The following SMIM21 variants were observed in gnomAD, a reference collection of about 807,000 sequenced individuals.
SMIM21 encodes small integral membrane protein 21.
A neutral mutation model predicts 8.6 loss-of-function variants in SMIM21; 8 were observed. The ratio of observed to expected loss-of-function variants is 0.93; its 90% confidence interval spans 0.55 to 1.68. SMIM21 has a LOEUF of 1.68. Ranked by LOEUF, SMIM21 falls within the 40% of genes most tolerant of loss-of-function variation. The pLI is 0.00. For synonymous variants in SMIM21, 43 were observed against 41.7 expected (o/e 1.03, Z -0.12); for missense variants, 132 against 123.0 (o/e 1.07, Z -0.35).
At chr18:75,421,682 G>A (rs1008344220) in intron 1 of SMIM21, among the ~76,000 whole-genome samples, 2 of 152,186 alleles carry the variant, frequency 1.3e-5, no homozygotes, top group Non-Finnish European at 2.9e-5. Flanking sequence ...TGTGTAGCTT[G>A]GGGAAGGCTG....
chr18:75,411,461 G>A (rs1372990334), intron 2 of SMIM21, among the ~76,000 whole-genome samples: 1 of 152,208 alleles, frequency 6.6e-6, no homozygotes, highest in African/African-American at 2.4e-5. Flanking sequence ...ACTCACGAAT[G>A]ATGATCCTTG....
chr18:75,418,101 G>A, intron 2 of SMIM21: 1 of 398,044 alleles, frequency 2.5e-6, no homozygotes, highest in Non-Finnish European at 4.4e-6. Flanking sequence ...CATGTGAGTG[G>A]GTGCTTTATT....
chr18:75,415,049 C>T (rs543378050), intron 2 of SMIM21, among the ~76,000 whole-genome samples: 2 of 152,180 alleles, frequency 1.3e-5, no homozygotes, highest in South Asian at 2.1e-4. Flanking sequence ...AAGAGGAGTG[C>T]ACAAATACTC....
At chr18:75,416,637 G>A (rs2024648350) in intron 2 of SMIM21, 2 of 152,102 alleles carry the variant, frequency 1.3e-5, no homozygotes, top group Non-Finnish European at 2.9e-5. Flanking sequence ...CAACATACAT[G>A]TATTTTTGTT....
intron 1 of SMIM21, 26 bp downstream of exon 1, chr18:75,427,409 C>T: frequency 6.2e-7 from 1 of 1,608,610 alleles, no homozygotes; most frequent in Non-Finnish European, 8.5e-7. Flanking sequence ...CTCTCATAAC[C>T]CAAAGTTAAA....
chr18:75,425,729 G>A (rs1256159480), intron 1 of SMIM21, among the ~76,000 whole-genome samples: 1 of 152,192 alleles, frequency 6.6e-6, no homozygotes, highest in Non-Finnish European at 1.5e-5. Context: ...GCAGAAGTGG[G>A]ACCCAGAAGA....
intron 1 of SMIM21, among the ~76,000 whole-genome samples, chr18:75,423,882 C>T (rs539015357): frequency 6.6e-6 from 1 of 152,180 alleles, no homozygotes; most frequent in Admixed American, 6.5e-5. Flanking sequence ...TACTAATGGC[C>T]TTAATGAGCA....
At chr18:75,412,206 A>G (rs543143410) in intron 2 of SMIM21, among the ~76,000 whole-genome samples, 26 of 152,356 alleles carry the variant, frequency 1.7e-4, no homozygotes, top group African/African-American at 6.3e-4. Context: ...GTACATGTGA[A>G]AACAAACAAG....
chr18:75,427,378 T>C, intron 1 of SMIM21, 57 bp downstream of exon 1: 3 of 1,577,648 alleles, frequency 1.9e-6, no homozygotes, highest in South Asian at 1.2e-5. Flanking sequence ...TGTAGGACCA[T>C]ACCTGTGCAG....
At position 75,410,642 on chromosome 18, in the gene SMIM21, C is replaced by T. The variant is rs546718522; in HGVS notation, c.*222G>A. On this transcript the variant is annotated 3_prime_UTR_variant, in exon 3 of 3. Transcript: ENST00000579022. ...TTGGGTGGCATCTGCAGCTCTCCTC[C>T]GGAATATTCCTGAACAGAAAAAGGA... 7.8e-6 allele frequency: 10 copies of T among 1,285,084 alleles called. No homozygotes were observed. The East Asian group carries it at 1.1e-4, about 14-fold the overall frequency. The allele number at this position is 1,285,084 out of a possible 1,614,324, so 79.6% of individuals were successfully genotyped here.
intron 1 of SMIM21, among the ~76,000 whole-genome samples, chr18:75,426,891 C>T (rs898683912): frequency 6.6e-6 from 1 of 152,118 alleles, no homozygotes; most frequent in Non-Finnish European, 1.5e-5. Context: ...ATTGATCACC[C>T]CATCACCTCT....
intron 1 of SMIM21, among the ~76,000 whole-genome samples, chr18:75,422,609 G>A (rs527889113): frequency 1.8e-4 from 28 of 152,288 alleles, no homozygotes; most frequent in South Asian, 6.2e-4. Context: ...TGATAAATCC[G>A]TAGAGTGGAA....
chr18:75,411,215 C>A (rs770012152), intron 2 of SMIM21, among the ~76,000 whole-genome samples: 6 of 152,194 alleles, frequency 3.9e-5, no homozygotes, highest in Non-Finnish European at 7.3e-5. Context: ...CCTTACTAGC[C>A]TTGTATAAAG....
rs1434714437 is a variant in SMIM21, at chr18:75,409,913, A to T, written c.*951T>A. On this transcript the variant is annotated 3_prime_UTR_variant, in exon 3 of 3. Transcript: ENST00000579022. ...TGCACAGCTGCCACAGGCAACCTGGACGAATCCAGCCAGGCGGATAGAGCA... is the reference window on the plus strand; with the variant it reads ...TGCACAGCTGCCACAGGCAACCTGGTCGAATCCAGCCAGGCGGATAGAGCA... The T allele has an allele frequency of 6.5e-6, 1 of 152,680 alleles. No homozygotes were observed. Among genetic ancestry groups the T allele is most frequent in the African/African-American group, 2.4e-5 (1 of 41,458 alleles). 9.5% of individuals were successfully genotyped at this position (152,680 alleles called of 1,614,324 possible). A position where few individuals can be genotyped will look rare whatever the true frequency, so the allele number is the denominator to read the frequency against.
chr18:75,410,751 A>C lies in SMIM21; in HGVS notation c.*113T>G, dbSNP rs929062535. ...TTCTCTCTGTGGAGCTCCTTTTAAA[A>C]AGTGAGCAATAATCTGCTATCTCTA... On this transcript the variant is annotated 3_prime_UTR_variant, in exon 3 of 3. Coordinates refer to ENST00000579022, the MANE Select transcript of SMIM21 (RefSeq NM_001037331.3). 52 of 1,541,876 alleles carry C rather than the reference A, an allele frequency of 3.4e-5. No homozygotes were observed. In the African/African-American group the frequency reaches 6.7e-4, roughly 20 times the overall value.
In SMIM21 at chr18:75,423,862, AT is replaced by A. The variant is rs559162928; in HGVS notation, c.129+3572del. 3.4e-3 allele frequency among the ~76,000 whole-genome samples: 519 copies of A among 150,792 alleles called. 4 individuals are homozygous for A. The highest frequency in any genetic ancestry group is 5.0e-3 in the Non-Finnish European group (337 of 67,512). ...GTGTACAAGAGACATAAAAGTCCAA[AT>A]TTTTTTTTTACTAATGGCCTTAATG... On this transcript the variant is annotated intron_variant, in intron 1 of 2. Transcript: ENST00000579022.
chr18:75,418,746 T>C, intron 2 of SMIM21, 40 bp downstream of exon 2: 1 of 1,501,656 alleles, frequency 6.7e-7, no homozygotes. Context: ...TCAAAATATG[T>C]AGTATTTTTT....
At chr18:75,425,174 A>C (rs185579912) in intron 1 of SMIM21, among the ~76,000 whole-genome samples, 1 of 152,202 alleles carries the variant, frequency 6.6e-6, no homozygotes, top group African/African-American at 2.4e-5. Context: ...TCGTCTGTGC[A>C]TGAGAGAGAT....
intron 1 of SMIM21, among the ~76,000 whole-genome samples, chr18:75,422,661 G>A (rs1391876568): frequency 2.0e-5 from 3 of 152,182 alleles, no homozygotes; most frequent in Non-Finnish European, 4.4e-5. Context: ...GACACATGCT[G>A]CAACAAAGAT....
Sources: gnomAD v4.1 joint callset for allele counts (sites outside exome capture counted in the v4.1 genomes callset) on GRCh38, gnomAD v4.1.1 for gene constraint, MANE v1.5 for transcripts, NCBI Gene and HGNC (gene_info 2026-07-23, HGNC 2026-07-21) for gene names.